DMD: variants seen among roughly 807,000 people sequenced by gnomAD.
DMD encodes the protein dystrophin.
Under a neutral mutation model 330.1 loss-of-function variants are expected in DMD, and 63 were observed. The observed-to-expected ratio is 0.19, with a 90% CI of 0.16 to 0.24. The LOEUF (loss-of-function observed/expected upper bound fraction) is 0.24, where lower values mean the gene tolerates loss of function less well. DMD is among the 10% of genes least tolerant of loss of function. DMD has a pLI of 1.00. For missense variants in DMD, 3,344 were observed against 2,684.1 expected, an observed-to-expected ratio of 1.25 and a Z score of -5.43; for synonymous variants, 1,223 against 959.8, an observed-to-expected ratio of 1.27 and a Z score of -5.07.
chrX:31,923,588 A>AACACCCTT (rs2094723139), intron 47 of DMD, among the ~76,000 whole-genome samples: 1 of 102,002 alleles, frequency 9.8e-6, no homozygotes, highest in Admixed American at 1.1e-4. Flanking sequence ...TAAATAGGTG[A>AACACCCTT]ACACCCTTTT....
At chrX:32,392,230 A>G (rs1274085082) in intron 30 of DMD, among the ~76,000 whole-genome samples, 3 of 111,491 alleles carry the variant, frequency 2.7e-5, no homozygotes, top group African/African-American at 9.8e-5. Flanking sequence ...GATGGCTTCC[A>G]ATGCGGTATG....
At chrX:31,461,769 T>A (rs752660696) in intron 59 of DMD, among the ~76,000 whole-genome samples, 2 of 111,351 alleles carry the variant, frequency 1.8e-5, no homozygotes, top group Non-Finnish European at 3.8e-5. Flanking sequence ...AAAAGCCAAG[T>A]TGAATATGAA....
At position 31,509,627 on chromosome X, in the gene DMD, T is replaced by C. The variant is rs191103308; in HGVS notation, c.8218-2174A>G. Among the ~76,000 whole-genome samples, 198 of 112,207 alleles carry C rather than the reference T, an allele frequency of 1.8e-3. 1 individual carries two copies. Among genetic ancestry groups the C allele is most frequent in the African/African-American group, 6.1e-3 (188 of 30,931 alleles). ...CAATCACGAGCTCCTTAAGGTTATG[T>C]ATACCATGAAGTCACCAACACTTTC... On this transcript the variant is annotated intron_variant, in intron 55 of 78. Coordinates refer to ENST00000357033, the MANE Select transcript of DMD (RefSeq NM_004006.3).
intron 4 of DMD, among the ~76,000 whole-genome samples, chrX:32,831,695 T>A (rs1209770654): frequency 2.0e-5 from 2 of 100,671 alleles, no homozygotes; most frequent in Non-Finnish European, 4.1e-5. Context: ...TGTGTGTGTG[T>A]GTGATGTGTG....
intron 17 of DMD, among the ~76,000 whole-genome samples, chrX:32,541,868 AT>A (rs2048517335): frequency 1.8e-5 from 2 of 111,263 alleles, no homozygotes; most frequent in Admixed American, 9.6e-5. Context: ...AAAAGCAATG[AT>A]TTTTTCCATA....
At chrX:32,737,634 A>G (rs2068692368) in intron 7 of DMD, among the ~76,000 whole-genome samples, 2 of 112,078 alleles carry the variant, frequency 1.8e-5, no homozygotes, top group South Asian at 7.3e-4. Flanking sequence ...TGGCAGAAAG[A>G]TAATACTGCA....
intron 9 of DMD, among the ~76,000 whole-genome samples, chrX:32,664,688 T>C (rs915755645): frequency 8.9e-6 from 1 of 111,957 alleles, no homozygotes; most frequent in African/African-American, 3.3e-5. Context: ...CAGATGTGGG[T>C]GTTAGTAAAT....
chrX:32,774,467 G>T (rs554118557), intron 7 of DMD, among the ~76,000 whole-genome samples: 1 of 111,584 alleles, frequency 9.0e-6, no homozygotes, highest in South Asian at 3.7e-4. Flanking sequence ...CTGAGACTGG[G>T]TAATTTAGAA....
At chrX:33,035,467 C>T (rs2094189572) in intron 1 of DMD, among the ~76,000 whole-genome samples, 1 of 111,511 alleles carries the variant, frequency 9.0e-6, no homozygotes, top group Admixed American at 9.6e-5. Context: ...CTTGTGCTTC[C>T]ATATACACAG....
intron 1 of DMD, among the ~76,000 whole-genome samples, chrX:33,306,812 T>C (rs767146740): frequency 1.8e-5 from 2 of 111,137 alleles, no homozygotes; most frequent in African/African-American, 3.3e-5. Context: ...ATAGAGTAGA[T>C]ATTACAACAA....
intron 1 of DMD, among the ~76,000 whole-genome samples, chrX:33,305,448 A>G (rs5972813): frequency 0.22 from 20,877 of 94,911 alleles, 2,180 homozygotes; most frequent in Non-Finnish European, 0.26. Flanking sequence ...GGATAGCATT[A>G]GGAGATATAC....
At chrX:32,141,724 C>CACACACACACACACAT (rs564694131) in intron 44 of DMD, among the ~76,000 whole-genome samples, 1 of 103,326 alleles carries the variant, frequency 9.7e-6, no homozygotes, top group African/African-American at 3.6e-5. Context: ...CACACACACA[C>CACACACACACACACAT]GATCTTGCAT....
rs1453664529 is a variant in DMD, at chrX:32,219,581, C to T, written c.6291-2518G>A. Among the ~76,000 whole-genome samples the T allele has an allele frequency of 2.7e-5, 3 of 111,610 alleles. No homozygotes were observed. The Admixed American group carries it at 2.9e-4, about 11-fold the overall frequency. ...ATGACTGCTAACTCCAACCCTCCTC[C>T]TGCTACCACAGTCTGAGAAACAGTC... On this transcript the variant is annotated intron_variant, in intron 43 of 78. Transcript: ENST00000357033.
intron 7 of DMD, among the ~76,000 whole-genome samples, chrX:32,795,242 A>G (rs139302301): frequency 0.017 from 1,938 of 112,284 alleles, 47 homozygotes; most frequent in African/African-American, 0.059. Context: ...CTACTTGACA[A>G]AACAGCAAGG....
intron 59 of DMD, among the ~76,000 whole-genome samples, chrX:31,474,705 G>A (rs756033954): frequency 1.0e-4 from 8 of 76,472 alleles, no homozygotes; most frequent in African/African-American, 4.0e-4. Flanking sequence ...CGAGACTGTC[G>A]CAAAAAAAAA....
chrX:32,430,588 A>G (rs1205429210), intron 29 of DMD, among the ~76,000 whole-genome samples: 1 of 111,900 alleles, frequency 8.9e-6, no homozygotes. Flanking sequence ...CATAAGGTCT[A>G]TCCTCTTAGC....
intron 48 of DMD, 126 bp from the exon 49 acceptor site, chrX:31,836,945 C>T (rs887974175): frequency 3.1e-5 from 17 of 542,635 alleles, no homozygotes; most frequent in Non-Finnish European, 4.6e-5. Context: ...CATAAGGGCA[C>T]AAAAATGTAG....
chrX:32,335,924 T>C (rs1212463256), intron 41 of DMD, among the ~76,000 whole-genome samples: 1 of 106,831 alleles, frequency 9.4e-6, no homozygotes. Context: ...TATATGTATG[T>C]TATATATAAC....
intron 9 of DMD, among the ~76,000 whole-genome samples, chrX:32,693,508 C>T (rs1414829344): frequency 8.9e-6 from 1 of 111,815 alleles, no homozygotes; most frequent in East Asian, 2.8e-4. Flanking sequence ...TGGCCGATCT[C>T]AGCTCACTGC....
Sources: allele counts gnomAD v4.1 joint callset (sites outside exome capture counted in the v4.1 genomes callset), GRCh38; gene constraint gnomAD v4.1.1; transcripts MANE v1.5; gene names NCBI Gene and HGNC (gene_info 2026-07-23, HGNC 2026-07-21).